The following FANCA variants were observed in gnomAD, a reference collection of about 807,000 sequenced individuals.
FANCA encodes the protein FA complementation group A, also known as Fanconi anemia group A protein.
A neutral mutation model predicts 194.3 loss-of-function variants in FANCA; 236 were observed. The observed-to-expected ratio is 1.21, with a 90% CI of 1.09 to 1.35. The LOEUF is 1.35. FANCA is among the 40% of genes most tolerant of loss of function. The probability of loss-of-function intolerance (pLI) is 0.00; values close to 1 mark genes in which losing one functional copy is unlikely to be tolerated. For synonymous variants in FANCA, 1,014 were observed against 715.8 expected (o/e 1.42, Z -6.65); for missense variants, 2,628 against 1,813.9 (o/e 1.45, Z -8.15).
intron 30 of FANCA, among the ~76,000 whole-genome samples, chr16:89,754,154 G>T (rs148129992): frequency 1.3e-5 from 2 of 151,942 alleles, no homozygotes; most frequent in Non-Finnish European, 2.9e-5. Flanking sequence ...CCTGAGAGGC[G>T]AAGGTTTCGG....
At chr16:89,765,944 A>G (rs1317006036) in intron 27 of FANCA, among the ~76,000 whole-genome samples, 3 of 152,154 alleles carry the variant, frequency 2.0e-5, no homozygotes. Context: ...ATAGTTTCAA[A>G]AGCTTCTCAG....
chr16:89,782,061 G>C (rs926546697), intron 17 of FANCA, among the ~76,000 whole-genome samples: 1 of 151,510 alleles, frequency 6.6e-6, no homozygotes, highest in African/African-American at 2.4e-5. Context: ...ATGACCATCT[G>C]ACATTTGGCT....
At chr16:89,767,062 A>C (rs1598105729) in intron 27 of FANCA, 79 bp downstream of exon 27, 1 of 1,149,286 alleles carries the variant, frequency 8.7e-7, no homozygotes, top group Non-Finnish European at 1.3e-6. Context: ...GCGGCAGCAG[A>C]CCTCGGCCTT....
At chr16:89,799,013 GCCT>G in intron 10 of FANCA, 150 bp downstream of exon 10, 1 of 1,614,168 alleles carries the variant, frequency 6.2e-7, no homozygotes, top group Non-Finnish European at 8.5e-7. Context: ...TCCCATGGTC[GCCT>G]CCTCCTCACG....
intron 29 of FANCA, among the ~76,000 whole-genome samples, chr16:89,760,159 C>G (rs1256091771): frequency 6.6e-6 from 1 of 152,254 alleles, no homozygotes; most frequent in Non-Finnish European, 1.5e-5. Flanking sequence ...GCAGCATGAC[C>G]TCATGCAGCA....
chr16:89,787,712 GGA>G (rs1354779069), intron 14 of FANCA, among the ~76,000 whole-genome samples: 6 of 151,554 alleles, frequency 4.0e-5, no homozygotes, highest in Admixed American at 4.0e-4. Flanking sequence ...TCCCAGCCTG[GGA>G]GACAGAACAG....
Position 89,778,845 on chromosome 16 carries a change from G to C in FANCA, c.1782C>G (p.Pro594=), listed in dbSNP as rs2039605683. 6.2e-7 allele frequency: 1 copy of C among 1,613,900 alleles called. No homozygotes were observed. The highest frequency in any genetic ancestry group is 1.3e-5 in the African/African-American group (1 of 74,860). Residue 594 remains proline, a synonymous_variant, in exon 20 of 43, where the codon CCC becomes CCG. Coordinates refer to ENST00000389301, the MANE Select transcript of FANCA (RefSeq NM_000135.4). ...LPALLTPRVL[P]KVPDSRVAFI... ...ACGCCACACGGGAGTCAGGGACTTT[G>C]GGGAGCTGTGGGAAGAGAAGAGACC...
At chr16:89,740,955 A>T in intron 37 of FANCA, 89 bp from the exon 38 acceptor site, 3 of 1,197,536 alleles carry the variant, frequency 2.5e-6, no homozygotes, top group Non-Finnish European at 3.6e-6. Flanking sequence ...TTTAATTGAA[A>T]TTTTTTACAT....
At chr16:89,795,292 A>C (rs2040204905) in intron 11 of FANCA, among the ~76,000 whole-genome samples, 1 of 146,028 alleles carries the variant, frequency 6.8e-6, no homozygotes, top group African/African-American at 2.6e-5. Flanking sequence ...TCCAATAAAT[A>C]AATAAATAAA....
chr16:89,798,356 C>T (rs2040318626), intron 10 of FANCA: 2 of 1,036,938 alleles, frequency 1.9e-6, no homozygotes, highest in Non-Finnish European at 2.3e-6. Flanking sequence ...TGTAAACATT[C>T]AGGAAATCAC....
intron 21 of FANCA, among the ~76,000 whole-genome samples, chr16:89,774,567 A>G (rs1339269393): frequency 2.6e-5 from 4 of 151,298 alleles, no homozygotes; most frequent in Admixed American, 6.6e-5. Context: ...TGTCTCTACT[A>G]AAAACACAAA....
chr16:89,746,375 TG>T (rs993176925), intron 35 of FANCA, among the ~76,000 whole-genome samples: 1 of 151,860 alleles, frequency 6.6e-6, no homozygotes, highest in Non-Finnish European at 1.5e-5. Flanking sequence ...GTGACGGCGG[TG>T]GGGGCAGGGA....
chr16:89,795,319 T>TAAATA (rs1038639072), intron 11 of FANCA, among the ~76,000 whole-genome samples: 1 of 149,568 alleles, frequency 6.7e-6, no homozygotes, highest in Non-Finnish European at 1.5e-5. Flanking sequence ...AATAAATAAA[T>TAAATA]AAATAAAATA....
intron 21 of FANCA, among the ~76,000 whole-genome samples, chr16:89,774,745 A>AAAAAAAAAAAAAAAAAAAAAAAC: frequency 1.4e-5 from 2 of 146,974 alleles, no homozygotes; most frequent in Non-Finnish European, 3.0e-5. Flanking sequence ...AAAAAAAAAA[A>AAAAAAAAAAAAAAAAAAAAAAAC]AAAAAAAAAT....
chr16:89,770,773 G>C, intron 23 of FANCA, 139 bp from the exon 24 acceptor site: 2 of 752,542 alleles, frequency 2.7e-6, no homozygotes, highest in Non-Finnish European at 4.6e-6. Flanking sequence ...TGGAGGGCAT[G>C]TTACAATGCA....
At position 89,739,274 on chromosome 16, in the gene FANCA, G is replaced by C; in HGVS notation, c.4026C>G (p.Phe1342Leu). The C allele has an allele frequency of 6.2e-7, 1 of 1,614,190 alleles. No individual in the cohort carries two copies. The highest frequency in any genetic ancestry group is 8.5e-7 in the Non-Finnish European group (1 of 1,180,046). Residue 1342 changes from phenylalanine to leucine, a missense_variant, in exon 41 of 43, where the codon TTC (phenylalanine) becomes TTG (leucine). Physicochemically the swap from Phe to Leu is conservative, Grantham distance 22. Coordinates refer to ENST00000389301, the MANE Select transcript of FANCA (RefSeq NM_000135.4). The part of the protein sequence containing the change: ...PFAFYSLLSY[F>L]HEDAAIREEA... ...CTTCCCTGATGGCCGCGTCTTCATG[G>C]AAGTAGGAGAGAAGACTAGAGGTAA... is the stretch of plus-strand genomic sequence containing the variant.
intron 1 of FANCA, 183 bp downstream of exon 1, chr16:89,816,354 G>T: frequency 3.0e-6 from 1 of 332,720 alleles, no homozygotes; most frequent in Non-Finnish European, 5.2e-6. Context: ...CCGCCCAGGC[G>T]CAGGAGGGGC....
chr16:89,799,146 G>T lies in FANCA; in HGVS notation c.893+20C>A, dbSNP rs1399127577. On this transcript the variant is annotated intron_variant, in intron 10 of 42. Coordinates refer to ENST00000389301, the MANE Select transcript of FANCA (RefSeq NM_000135.4). ...CACCTCCCTGCTGCACACTCAGGCA[G>T]GCCACCCTCAGGAACATACCAGCAC... is the stretch of plus-strand genomic sequence containing the variant. The T allele has an allele frequency of 6.2e-7, 1 of 1,614,168 alleles. No homozygotes were observed.
chr16:89,771,905 G>C (rs548683876), intron 22 of FANCA, 91 bp from the exon 23 acceptor site: 1 of 1,433,890 alleles, frequency 7.0e-7, no homozygotes, highest in East Asian at 2.3e-5. Context: ...CGTCAAGTAC[G>C]ATTCCACGGA....
Sources: allele counts gnomAD v4.1 joint callset (sites outside exome capture counted in the v4.1 genomes callset), GRCh38; gene constraint gnomAD v4.1.1; transcripts MANE v1.5; gene names NCBI Gene and HGNC (gene_info 2026-07-23, HGNC 2026-07-21).